ATXN7L1: variants seen among roughly 807,000 people sequenced by gnomAD.
ATXN7L1 encodes the protein ataxin 7 like 1.
A neutral mutation model predicts 70.8 loss-of-function variants in ATXN7L1; 15 were observed. That is an observed-to-expected ratio of 0.21 (90% confidence interval 0.14 to 0.33). The LOEUF (loss-of-function observed/expected upper bound fraction) is 0.33. ATXN7L1 is among the 10% of genes least tolerant of loss of function. The pLI, the probability that ATXN7L1 is intolerant of heterozygous loss-of-function variation, is 1.00. For synonymous variants in ATXN7L1, 440 were observed against 445.1 expected, an observed-to-expected ratio of 0.99 and a Z score of 0.14; for missense variants, 975 against 1,097.1, an observed-to-expected ratio of 0.89 and a Z score of 1.57.
intron 3 of ATXN7L1, among the ~76,000 whole-genome samples, chr7:105,725,671 C>A (rs1013474686): frequency 6.6e-6 from 1 of 151,640 alleles, no homozygotes; most frequent in Non-Finnish European, 1.5e-5. Context: ...ACCTCCCCCT[C>A]CCAAGTTCAA....
intron 2 of ATXN7L1, among the ~76,000 whole-genome samples, chr7:105,860,128 A>AATATATATATATATAT (rs1470485018): frequency 5.7e-5 from 4 of 70,796 alleles, no homozygotes; most frequent in African/African-American, 1.1e-4. Context: ...TTTATATGTA[A>AATATATATATATATAT]ATATATATAT....
At chr7:105,673,888 C>A (rs1562986794) in intron 3 of ATXN7L1, among the ~76,000 whole-genome samples, 1 of 152,202 alleles carries the variant, frequency 6.6e-6, no homozygotes, top group East Asian at 1.9e-4. Context: ...AACTTACTGC[C>A]ATGGTGTAAG....
intron 2 of ATXN7L1, among the ~76,000 whole-genome samples, chr7:105,853,145 A>C (rs1815129095): frequency 6.6e-6 from 1 of 152,232 alleles, no homozygotes; most frequent in Non-Finnish European, 1.5e-5. Context: ...GGAAATGCAT[A>C]GTGGCAATGG....
intron 3 of ATXN7L1, among the ~76,000 whole-genome samples, chr7:105,741,980 G>C (rs1322047768): frequency 6.6e-6 from 1 of 152,172 alleles, no homozygotes; most frequent in Non-Finnish European, 1.5e-5. Context: ...CTGACATGTT[G>C]ATCTTGGACT....
intron 4 of ATXN7L1, among the ~76,000 whole-genome samples, chr7:105,646,080 G>A (rs1451265662): frequency 6.6e-6 from 1 of 151,998 alleles, no homozygotes; most frequent in Admixed American, 6.6e-5. Context: ...GGGAGGCTGA[G>A]GTGGGAGGAT....
chr7:105,690,336 T>C (rs1790609736), intron 3 of ATXN7L1, among the ~76,000 whole-genome samples: 1 of 152,142 alleles, frequency 6.6e-6, no homozygotes, highest in South Asian at 2.1e-4. Flanking sequence ...GAGAGAAACA[T>C]GGAGGAGAAA....
At chr7:105,795,635 C>A (rs1304270061) in intron 2 of ATXN7L1, among the ~76,000 whole-genome samples, 2 of 152,118 alleles carry the variant, frequency 1.3e-5, no homozygotes, top group African/African-American at 4.8e-5. Flanking sequence ...CTTTTGCAAG[C>A]AGGAATTCCA....
At chr7:105,725,228 T>C (rs1389729036) in intron 3 of ATXN7L1, among the ~76,000 whole-genome samples, 4 of 152,160 alleles carry the variant, frequency 2.6e-5, no homozygotes, top group African/African-American at 4.8e-5. Flanking sequence ...AGAGAGAGTT[T>C]ACTGTCTGGC....
intron 3 of ATXN7L1, among the ~76,000 whole-genome samples, chr7:105,708,376 C>G (rs1268184756): frequency 6.6e-6 from 1 of 152,218 alleles, no homozygotes; most frequent in Non-Finnish European, 1.5e-5. Context: ...CTCTTCCTCT[C>G]TTCCTCAATA....
In ATXN7L1 at chr7:105,859,782, C is replaced by CT. The variant is rs34111825; in HGVS notation, c.250+16029dup. Reference sequence around the variant, plus strand: ...ACTGTATATTTCTTTTTCTTTCTTTCTTTTTTTTTTTTTTTTTTGAGACAG... The same window carrying CT: ...ACTGTATATTTCTTTTTCTTTCTTTCTTTTTTTTTTTTTTTTTTTGAGACAG... On this transcript the variant is annotated intron_variant, in intron 2 of 11. Transcript: ENST00000419735. Among the ~76,000 whole-genome samples, 55 of 94,092 alleles carry CT rather than the reference C, an allele frequency of 5.8e-4. 1 individual carries two copies. The highest frequency in any genetic ancestry group is 1.2e-3 in the African/African-American group (28 of 24,296). The allele number at this position is 94,092 out of a possible 152,430, so 61.7% of individuals were successfully genotyped here.
chr7:105,876,387 A>G lies in ATXN7L1; in HGVS notation c.172T>C (p.Cys58Arg), dbSNP rs1000590772. The G allele has an allele frequency of 1.9e-6, 3 of 1,607,382 alleles. No homozygotes were observed. Among genetic ancestry groups the G allele is most frequent in the African/African-American group, 2.7e-5 (2 of 74,866 alleles). ...GTGGTGGGGTTCTTACTGTCGGAGC[A>G]GTGTAATTTGGCGGCGTCGATCCAG... ...SSWIDAAKLH[C>R]SDNVDLEEAG... The change falls in exon 1 of 12, where the codon TGC becomes CGC. Residue 58 changes from cysteine to arginine, a missense_variant. Coordinates refer to ENST00000419735, the MANE Select transcript of ATXN7L1 (RefSeq NM_020725.2).
intron 3 of ATXN7L1, among the ~76,000 whole-genome samples, chr7:105,717,501 T>G (rs1340737496): frequency 6.6e-6 from 1 of 152,240 alleles, no homozygotes; most frequent in African/African-American, 2.4e-5. Flanking sequence ...TGGTTGCAAT[T>G]TTTTGCTATT....
At chr7:105,779,339 G>A (rs1274591682) in intron 3 of ATXN7L1, among the ~76,000 whole-genome samples, 1 of 152,212 alleles carries the variant, frequency 6.6e-6, no homozygotes, top group Admixed American at 6.5e-5. Flanking sequence ...CTTTATTGCT[G>A]TTATTTTTAT....
intron 2 of ATXN7L1, among the ~76,000 whole-genome samples, chr7:105,820,354 T>G (rs543844371): frequency 6.6e-6 from 1 of 152,250 alleles, no homozygotes; most frequent in Admixed American, 6.5e-5. Context: ...AGCGCAAGGC[T>G]TTTTGGAAGG....
At chr7:105,717,467 G>A (rs1179000639) in intron 3 of ATXN7L1, among the ~76,000 whole-genome samples, 1 of 152,162 alleles carries the variant, frequency 6.6e-6, no homozygotes, top group Admixed American at 6.5e-5. Flanking sequence ...CTACTCTGTA[G>A]CCTATATTGT....
Position 105,606,516 on chromosome 7 carries a change from A to G in ATXN7L1, c.*1336T>C, listed in dbSNP as rs1380158950. The G allele has an allele frequency of 3.3e-5, 5 of 152,272 alleles. No homozygotes were observed. The highest frequency in any genetic ancestry group is 6.5e-5 in the Admixed American group (1 of 15,286). 9.4% of individuals were successfully genotyped at this position (152,272 alleles called of 1,614,324 possible). ...TATACAAAGTTACATGATTAATAGCACAGAACACCTATTTTATGTTGTGAA... is the reference window on the plus strand; with the variant it reads ...TATACAAAGTTACATGATTAATAGCGCAGAACACCTATTTTATGTTGTGAA... On this transcript the variant is annotated 3_prime_UTR_variant, in exon 12 of 12. Coordinates refer to ENST00000419735, the MANE Select transcript of ATXN7L1 (RefSeq NM_020725.2).
chr7:105,685,044 G>GATAATAATA (rs112358794), intron 3 of ATXN7L1, among the ~76,000 whole-genome samples: 1,664 of 142,654 alleles, frequency 0.012, 23 homozygotes, highest in East Asian at 0.05. Flanking sequence ...GAGAAGAGAT[G>GATAATAATA]ATAATAATAA....
chr7:105,846,294 C>T (rs769249543), intron 2 of ATXN7L1, among the ~76,000 whole-genome samples: 3 of 151,954 alleles, frequency 2.0e-5, no homozygotes, highest in Admixed American at 6.6e-5. Context: ...GGCAACACAG[C>T]GAGACCCTGT....
chr7:105,855,270 C>T (rs1031317403), intron 2 of ATXN7L1, among the ~76,000 whole-genome samples: 1 of 152,138 alleles, frequency 6.6e-6, no homozygotes, highest in African/African-American at 2.4e-5. Context: ...TAGGCTTTGT[C>T]TCAACTACTC....
Sources: gnomAD v4.1 joint callset for allele counts (sites outside exome capture counted in the v4.1 genomes callset) on GRCh38, gnomAD v4.1.1 for gene constraint, MANE v1.5 for transcripts, NCBI Gene and HGNC (gene_info 2026-07-23, HGNC 2026-07-21) for gene names.